CCDC178: variants seen among roughly 807,000 people sequenced by gnomAD.
The protein encoded by CCDC178 is coiled-coil domain containing 178, also known as coiled-coil domain-containing protein 178.
A neutral mutation model predicts 117.4 loss-of-function variants in CCDC178; 126 were observed. That is an observed-to-expected ratio of 1.07 (90% confidence interval 0.93 to 1.24). The LOEUF is 1.24. Ranked by LOEUF, CCDC178 falls within the 50% of genes most tolerant of loss-of-function variation. The pLI, the probability that CCDC178 is intolerant of heterozygous loss-of-function variation, is 0.00. For synonymous variants in CCDC178, 283 were observed against 313.4 expected, an observed-to-expected ratio of 0.90 and a Z score of 1.02; for missense variants, 1,030 against 986.9, an observed-to-expected ratio of 1.04 and a Z score of -0.59.
chr18:33,016,524 CATGA>C (rs2055994512), intron 21 of CCDC178, among the ~76,000 whole-genome samples: 1 of 151,792 alleles, frequency 6.6e-6, no homozygotes, highest in South Asian at 2.1e-4. Flanking sequence ...TTCTTCTTTT[CATGA>C]ATTTAAAAGA....
intron 20 of CCDC178, among the ~76,000 whole-genome samples, chr18:33,164,999 G>A (rs983810202): frequency 2.0e-5 from 3 of 152,074 alleles, no homozygotes; most frequent in African/African-American, 7.2e-5. Context: ...ACTGATAAAT[G>A]CATTATGTCA....
chr18:32,982,329 C>A (rs2055170556), intron 21 of CCDC178, among the ~76,000 whole-genome samples: 1 of 152,020 alleles, frequency 6.6e-6, no homozygotes, highest in Non-Finnish European at 1.5e-5. Context: ...AATTAAAATA[C>A]AAATACCATA....
At chr18:33,401,706 TTTATC>T (rs1187693958) in intron 3 of CCDC178, among the ~76,000 whole-genome samples, 1 of 152,046 alleles carries the variant, frequency 6.6e-6, no homozygotes, top group Non-Finnish European at 1.5e-5. Context: ...AAATGATACT[TTTATC>T]TTCTTTGACT....
At chr18:33,208,870 A>C (rs2059076062) in intron 20 of CCDC178, among the ~76,000 whole-genome samples, 1 of 152,048 alleles carries the variant, frequency 6.6e-6, no homozygotes, top group African/African-American at 2.4e-5. Context: ...CTCTACAAGG[A>C]ATGGGAGATT....
At chr18:33,241,813 A>G (rs1424275672) in intron 15 of CCDC178, among the ~76,000 whole-genome samples, 1 of 151,718 alleles carries the variant, frequency 6.6e-6, no homozygotes, top group Non-Finnish European at 1.5e-5. Flanking sequence ...AACAATTAAT[A>G]TTGTTAAAAT....
chr18:32,940,981 A>G (rs1395379170), intron 22 of CCDC178, among the ~76,000 whole-genome samples: 3 of 152,008 alleles, frequency 2.0e-5, no homozygotes, highest in Non-Finnish European at 4.4e-5. Flanking sequence ...TACAGTAGGA[A>G]CTCAGTAATA....
At chr18:33,028,864 A>G (rs1475837043) in intron 21 of CCDC178, among the ~76,000 whole-genome samples, 1 of 151,898 alleles carries the variant, frequency 6.6e-6, no homozygotes, top group Non-Finnish European at 1.5e-5. Context: ...CATACCTAGG[A>G]AAAATCTCAC....
chr18:33,323,997 T>G (rs1042866502), intron 10 of CCDC178, among the ~76,000 whole-genome samples: 1 of 151,868 alleles, frequency 6.6e-6, no homozygotes, highest in Non-Finnish European at 1.5e-5. Flanking sequence ...AGAAAAACCA[T>G]TATTCTTAGG....
chr18:33,129,425 G>A (rs1206394488), intron 20 of CCDC178, among the ~76,000 whole-genome samples: 2 of 151,888 alleles, frequency 1.3e-5, no homozygotes, highest in Admixed American at 1.3e-4. Flanking sequence ...ACCACAAAAA[G>A]TAAACTCCAG....
chr18:33,347,609 A>G (rs576094599), intron 8 of CCDC178, among the ~76,000 whole-genome samples: 1 of 152,132 alleles, frequency 6.6e-6, no homozygotes, highest in Admixed American at 6.5e-5. Flanking sequence ...AAACATATTC[A>G]CTCAACACTT....
intron 4 of CCDC178, among the ~76,000 whole-genome samples, chr18:33,392,759 G>A (rs2063580513): frequency 6.6e-6 from 1 of 152,172 alleles, no homozygotes; most frequent in Non-Finnish European, 1.5e-5. Flanking sequence ...TTACTCCAGA[G>A]ACTGAGGCAG....
At chr18:33,390,331 A>G (rs1260839035) in intron 4 of CCDC178, among the ~76,000 whole-genome samples, 1 of 152,054 alleles carries the variant, frequency 6.6e-6, no homozygotes, top group African/African-American at 2.4e-5. Flanking sequence ...CTCCAGTCCT[A>G]AGCTTTTAAC....
chr18:33,304,198 C>G (rs1344566730), intron 11 of CCDC178, among the ~76,000 whole-genome samples: 1 of 152,146 alleles, frequency 6.6e-6, no homozygotes, highest in Non-Finnish European at 1.5e-5. Flanking sequence ...GTTCTGTGAT[C>G]CCCTAGGTTC....
At chr18:32,960,941 G>A (rs945830603) in intron 22 of CCDC178, among the ~76,000 whole-genome samples, 1 of 151,770 alleles carries the variant, frequency 6.6e-6, no homozygotes, top group Non-Finnish European at 1.5e-5. Context: ...ATTCCATGTT[G>A]TTAGAAAACT....
chr18:33,239,437 A>C (rs534537890), intron 15 of CCDC178, among the ~76,000 whole-genome samples: 1 of 151,870 alleles, frequency 6.6e-6, no homozygotes, highest in South Asian at 2.1e-4. Flanking sequence ...AGACCCAACT[A>C]TATGCTGCCT....
chr18:33,010,381 C>T (rs2055839956), intron 21 of CCDC178, among the ~76,000 whole-genome samples: 1 of 152,122 alleles, frequency 6.6e-6, no homozygotes, highest in Non-Finnish European at 1.5e-5. Context: ...AAGTCACTGT[C>T]ACCATTGTCA....
At chr18:33,197,087 G>T in intron 20 of CCDC178, among the ~76,000 whole-genome samples, 1 of 152,060 alleles carries the variant, frequency 6.6e-6, no homozygotes, top group East Asian at 1.9e-4. Flanking sequence ...GAGCGCAGTG[G>T]TGCTATCATA....
chr18:33,011,865 G>C (rs1315105985), intron 21 of CCDC178, among the ~76,000 whole-genome samples: 5 of 148,966 alleles, frequency 3.4e-5, no homozygotes, highest in African/African-American at 1.2e-4. Flanking sequence ...TTCCCTGTTG[G>C]AGATGATGGT....
At chr18:33,359,137 G>C (rs1402315940) in intron 6 of CCDC178, among the ~76,000 whole-genome samples, 2 of 151,764 alleles carry the variant, frequency 1.3e-5, no homozygotes, top group Non-Finnish European at 3.0e-5. Flanking sequence ...TTGGTTAAGA[G>C]GCACTTCAAT....
Sources: allele counts gnomAD v4.1 joint callset (sites outside exome capture counted in the v4.1 genomes callset), GRCh38; gene constraint gnomAD v4.1.1; transcripts MANE v1.5; gene names NCBI Gene and HGNC (gene_info 2026-07-23, HGNC 2026-07-21).